Variants in C9orf43 observed in about 807,000 individuals in gnomAD.
The protein encoded by C9orf43 is uncharacterized protein C9orf43.
Under a neutral mutation model 59.1 loss-of-function variants are expected in C9orf43, and 45 were observed. That is an observed-to-expected ratio of 0.76 (90% confidence interval 0.60 to 0.98). The LOEUF (loss-of-function observed/expected upper bound fraction) is 0.98, where lower values mean the gene tolerates loss of function less well. Among genes scored for constraint, C9orf43 ranks in the 50% least tolerant of loss-of-function variants. The pLI is 0.00. For synonymous variants in C9orf43, 203 were observed against 196.8 expected, an observed-to-expected ratio of 1.03 and a Z score of -0.26; for missense variants, 533 against 554.9, an observed-to-expected ratio of 0.96 and a Z score of 0.40.
chr9:113,417,020 A>G (rs557913551), intron 3 of C9orf43, among the ~76,000 whole-genome samples: 2 of 152,300 alleles, frequency 1.3e-5, no homozygotes, highest in South Asian at 2.1e-4. Context: ...CCTCATTGTC[A>G]TTTAACCAAG....
At chr9:113,414,441 ATT>A (rs770355833) in intron 3 of C9orf43, among the ~76,000 whole-genome samples, 16 of 139,966 alleles carry the variant, frequency 1.1e-4, no homozygotes, top group Non-Finnish European at 1.4e-4. Context: ...CGCCTGGTTA[ATT>A]TTTTTTTTTT....
At chr9:113,425,224 G>A in intron 9 of C9orf43, 120 bp from the exon 10 acceptor site, 1 of 1,498,126 alleles carries the variant, frequency 6.7e-7, no homozygotes, top group Non-Finnish European at 9.2e-7. Flanking sequence ...GTTTCAGGAA[G>A]CAGCCCCTCT....
chr9:113,420,603 A>AG (rs199523962), intron 4 of C9orf43: 8,470 of 195,842 alleles, frequency 0.043, 224 homozygotes, highest in South Asian at 0.1. Flanking sequence ...CTTGAGCACT[A>AG]TGTTCTAGGA....
chr9:113,411,055 G>T (rs1403501493), intron 1 of C9orf43, 54 bp downstream of exon 1: 2 of 985,216 alleles, frequency 2.0e-6, no homozygotes, highest in Non-Finnish European at 2.4e-6. Context: ...TGTTTAACGC[G>T]AACTATTTAG....
intron 5 of C9orf43, among the ~76,000 whole-genome samples, chr9:113,421,539 C>T (rs1215428698): frequency 4.6e-5 from 7 of 151,952 alleles, no homozygotes; most frequent in Non-Finnish European, 1.0e-4. Flanking sequence ...TGAAAAAGTT[C>T]TCAGTGAAGC....
chr9:113,415,779 A>G (rs1296056541), intron 3 of C9orf43, among the ~76,000 whole-genome samples: 1 of 152,214 alleles, frequency 6.6e-6, no homozygotes, highest in Non-Finnish European at 1.5e-5. Context: ...GACTTAAAAA[A>G]TTCGAAGACT....
At chr9:113,412,699 AG>A (rs1215506438) in intron 1 of C9orf43, among the ~76,000 whole-genome samples, 1 of 152,074 alleles carries the variant, frequency 6.6e-6, no homozygotes, top group Non-Finnish European at 1.5e-5. Context: ...TTTTGTGGAG[AG>A]GGGGTAACTC....
intron 5 of C9orf43, 98 bp from the exon 6 acceptor site, chr9:113,422,451 G>A: frequency 2.7e-6 from 4 of 1,499,214 alleles, no homozygotes; most frequent in Admixed American, 1.9e-5. Flanking sequence ...TATCCTTGGA[G>A]CTTCTGTTTA....
intron 1 of C9orf43, among the ~76,000 whole-genome samples, chr9:113,411,735 G>A (rs36114480): frequency 2.6e-5 from 4 of 152,092 alleles, no homozygotes; most frequent in Admixed American, 2.6e-4. Context: ...CTGGAGTGCA[G>A]CGGCACGGTC....
In C9orf43 at chr9:113,429,528, C is replaced by A; in HGVS notation, c.*142C>A. On this transcript the variant is annotated 3_prime_UTR_variant, in exon 14 of 14. Coordinates refer to ENST00000374165, the MANE Select transcript of C9orf43 (RefSeq NM_001278629.2). The stretch of plus-strand genomic sequence containing the variant: ...CTGCTCTCTGGAGCCTTTACCAGGG[C>A]CTGAGCTCTGAGCTTAGGGATTCCA... 1 of 664,732 alleles carries A rather than the reference C, an allele frequency of 1.5e-6. No homozygotes were observed. Among genetic ancestry groups the A allele is most frequent in the South Asian group, 1.9e-5 (1 of 51,328 alleles). The allele number at this position is 664,732 out of a possible 1,614,324, so 41.2% of individuals were successfully genotyped here.
At chr9:113,418,428 G>C (rs1201784081) in intron 3 of C9orf43, among the ~76,000 whole-genome samples, 1 of 152,146 alleles carries the variant, frequency 6.6e-6, no homozygotes, top group South Asian at 2.1e-4. Context: ...CAGACCCCCA[G>C]TGGATGCCTG....
At chr9:113,428,020 C>T (rs1372510475) in intron 11 of C9orf43, 127 bp from the exon 12 acceptor site, 1 of 827,364 alleles carries the variant, frequency 1.2e-6, no homozygotes, top group African/African-American at 1.7e-5. Context: ...CTACCTTTTA[C>T]CTGCCATCAA....
chr9:113,429,585 A>G lies in C9orf43; in HGVS notation c.*199A>G. ...TTGTTCACCTCTACTTGCCTCTAAA[A>G]TAAATGTAGGAGAAAAATCCCCAGC... On this transcript the variant is annotated 3_prime_UTR_variant, in exon 14 of 14. Transcript: ENST00000374165. The G allele has an allele frequency of 1.9e-6, 1 of 524,422 alleles. No individual in the cohort carries two copies. The highest frequency in any genetic ancestry group is 3.4e-6 in the Non-Finnish European group (1 of 297,868). 32.5% of individuals were successfully genotyped at this position (524,422 alleles called of 1,614,324 possible).
At chr9:113,415,373 G>T (rs1828320591) in intron 3 of C9orf43, among the ~76,000 whole-genome samples, 1 of 152,156 alleles carries the variant, frequency 6.6e-6, no homozygotes, top group Admixed American at 6.5e-5. Flanking sequence ...TTGAACTCGT[G>T]AGCTGAAATG....
At chr9:113,422,380 C>T (rs1349860010) in intron 5 of C9orf43, among the ~76,000 whole-genome samples, 169 bp from the exon 6 acceptor site, 1 of 152,168 alleles carries the variant, frequency 6.6e-6, no homozygotes, top group African/African-American at 2.4e-5. Flanking sequence ...TGCTGGGTTC[C>T]CAACCAGCTA....
chr9:113,428,845 C>A, intron 12 of C9orf43, 55 bp from the exon 13 acceptor site: 2 of 1,476,208 alleles, frequency 1.4e-6, no homozygotes, highest in Non-Finnish European at 1.9e-6. Context: ...TAGAAAAATC[C>A]TTTTAGTTTC....
intron 1 of C9orf43, among the ~76,000 whole-genome samples, chr9:113,411,861 A>G (rs1161559334): frequency 6.6e-6 from 1 of 151,942 alleles, no homozygotes; most frequent in East Asian, 1.9e-4. Context: ...TATTTTTCGT[A>G]GAGACAGGGT....
Position 113,410,875 on chromosome 9 carries a change from C to A in C9orf43, c.-176C>A. 2 of 899,714 alleles carry A rather than the reference C, an allele frequency of 2.2e-6. No individual in the cohort carries two copies. Among genetic ancestry groups the A allele is most frequent in the Non-Finnish European group, 2.7e-6 (2 of 750,512 alleles). The allele number at this position is 899,714 out of a possible 1,614,324, so 55.7% of individuals were successfully genotyped here. A position where few individuals can be genotyped will look rare whatever the true frequency, so the allele number is the denominator to read the frequency against. ...CTGCTTTGCTCTCACAGGACCTCAG[C>A]CCGTCGTGATCAGATTCTCCCACTT... On this transcript the variant is annotated 5_prime_UTR_variant, in exon 1 of 14. Coordinates refer to ENST00000374165, the MANE Select transcript of C9orf43 (RefSeq NM_001278629.2).
rs1329316468 is a variant in C9orf43 at position 113,421,105 on chromosome 9, T to G, written c.348T>G (p.Phe116Leu). 2.5e-6 allele frequency: 4 copies of G among 1,612,304 alleles called. No individual in the cohort carries two copies. The highest frequency in any genetic ancestry group is 3.4e-6 in the Non-Finnish European group (4 of 1,178,616). ...LINCTNRLPK[F>L]PVLNLNETQL... ...TAGGCTTTATATCTTTCTCTTAGTT[T>G]CCAGTGTTGAATTTGAATGAGACGC... Residue 116 changes from phenylalanine to leucine, a missense_variant and splice_region_variant, in exon 5 of 14, where the codon TTT (phenylalanine) becomes TTG (leucine). Physicochemically the swap from Phe to Leu is conservative, Grantham distance 22. Transcript: ENST00000374165.
Sources: gnomAD v4.1 joint callset for allele counts (sites outside exome capture counted in the v4.1 genomes callset) on GRCh38, gnomAD v4.1.1 for gene constraint, MANE v1.5 for transcripts, NCBI Gene and HGNC (gene_info 2026-07-23, HGNC 2026-07-21) for gene names.